CRISP2: variants seen among roughly 807,000 people sequenced by gnomAD.
CRISP2 encodes cysteine-rich secretory protein 2.
In CRISP2, 29 loss-of-function variants were observed where a neutral mutation model predicts 31.7. The observed-to-expected ratio is 0.92, with a 90% CI of 0.68 to 1.25. The LOEUF (loss-of-function observed/expected upper bound fraction) is 1.25, where lower values mean the gene tolerates loss of function less well. Ranked by LOEUF, CRISP2 falls within the 50% of genes most tolerant of loss-of-function variation. The probability of loss-of-function intolerance (pLI) is 0.00; values close to 1 mark genes in which losing one functional copy is unlikely to be tolerated. For synonymous variants in CRISP2, 111 were observed against 101.4 expected, an observed-to-expected ratio of 1.09 and a Z score of -0.57; for missense variants, 318 against 286.5, an observed-to-expected ratio of 1.11 and a Z score of -0.79.
At chr6:49,678,747 A>G in the CRISP2 span, among the ~76,000 whole-genome samples, 1,222 of 152,260 alleles carry the variant, frequency 8.0e-3, 11 homozygotes, top group African/African-American at 0.027. Context: ...GAGCAGCATC[A>G]AGTTGATACT....
At chr6:49,713,052 G>T (rs968961180) in intron 1 of CRISP2, among the ~76,000 whole-genome samples, 1 of 151,906 alleles carries the variant, frequency 6.6e-6, no homozygotes, top group Non-Finnish European at 1.5e-5. Context: ...ATGATATAAA[G>T]TCCAGCAGAG....
Position 49,697,842 on chromosome 6 carries a change from T to A in CRISP2, c.515+18A>T. The A allele has an allele frequency of 6.2e-7, 1 of 1,608,922 alleles. No individual in the cohort carries two copies. Among genetic ancestry groups the A allele is most frequent in the Non-Finnish European group, 8.5e-7 (1 of 1,175,758 alleles). On this transcript the variant is annotated intron_variant, in intron 8 of 9. Coordinates refer to ENST00000339139, the MANE Select transcript of CRISP2 (RefSeq NM_003296.4). ...GCAGATAGAATTATTGCCATTAAAC[T>A]CTAAACAGTCTACTTACGCAGGACA...
intron 4 of CRISP2, among the ~76,000 whole-genome samples, chr6:49,706,698 A>AT (rs1306400808): frequency 2.0e-5 from 3 of 152,054 alleles, no homozygotes; most frequent in Admixed American, 1.3e-4. Flanking sequence ...CTCCTCATGG[A>AT]TTTTTTCTGA....
the CRISP2 span, among the ~76,000 whole-genome samples, chr6:49,678,184 C>T: frequency 3.3e-5 from 5 of 152,244 alleles, no homozygotes; most frequent in African/African-American, 1.2e-4. Flanking sequence ...TTCAACACAA[C>T]AAGTATACCC....
chr6:49,699,325 G>C (rs906311231), intron 6 of CRISP2, among the ~76,000 whole-genome samples: 1 of 151,712 alleles, frequency 6.6e-6, no homozygotes, highest in Non-Finnish European at 1.5e-5. Context: ...ATCCACTTTA[G>C]AGCAAAACTT....
chr6:49,710,140 T>A (rs1437191268), intron 3 of CRISP2, among the ~76,000 whole-genome samples: 1 of 152,224 alleles, frequency 6.6e-6, no homozygotes, highest in African/African-American at 2.4e-5. Context: ...AATTTATCTG[T>A]GATGCTTCTC....
intron 4 of CRISP2, among the ~76,000 whole-genome samples, chr6:49,701,293 A>G (rs1490827059): frequency 2.0e-5 from 3 of 151,568 alleles, no homozygotes; most frequent in African/African-American, 7.3e-5. Flanking sequence ...ATTTTCTCCC[A>G]AGTCCCCAAA....
chr6:49,701,527 C>CATATATATAT lies in CRISP2; in HGVS notation c.67-744_67-743insATATATATAT, dbSNP rs1379089534. Among the ~76,000 whole-genome samples, 5 of 68,038 alleles carry CATATATATAT rather than the reference C, an allele frequency of 7.3e-5. 1 individual carries two copies. The highest frequency in any genetic ancestry group is 1.1e-4 in the Non-Finnish European group (4 of 35,716). The allele number at this position is 68,038 out of a possible 152,430, so 44.6% of individuals were successfully genotyped here. ...ATATATATATATATATATATATATA[C>CATATATATAT]ACACACACACACACACAGTATATAT... is the stretch of plus-strand genomic sequence containing the variant. On this transcript the variant is annotated intron_variant, in intron 4 of 9. Coordinates refer to ENST00000339139, the MANE Select transcript of CRISP2 (RefSeq NM_003296.4).
At chr6:49,711,437 A>T (rs1409638643) in intron 2 of CRISP2, 116 bp from the exon 3 acceptor site, 3 of 152,132 alleles carry the variant, frequency 2.0e-5, no homozygotes, top group African/African-American at 7.2e-5. Flanking sequence ...CTGAAGTAGT[A>T]TTTTTCATAC....
At chr6:49,682,170 T>C in the CRISP2 span, among the ~76,000 whole-genome samples, 1 of 152,202 alleles carries the variant, frequency 6.6e-6, no homozygotes, top group Non-Finnish European at 1.5e-5. Flanking sequence ...GGTGGACCTT[T>C]GCTCTTATTT....
chr6:49,679,728 C>A, the CRISP2 span, among the ~76,000 whole-genome samples: 2 of 151,288 alleles, frequency 1.3e-5, no homozygotes, highest in African/African-American at 4.9e-5. Flanking sequence ...ATTTTTGAGA[C>A]GGAGTATTAC....
rs534350476 is a variant in CRISP2, at chr6:49,702,557, A to C, written c.67-1773T>G. The stretch of plus-strand genomic sequence containing the variant: ...TTCGATTTGCATTTCCCTGATAATT[A>C]ATAATGTTGAGCAGCTTTTCGTATG... On this transcript the variant is annotated intron_variant, in intron 4 of 9. Coordinates refer to ENST00000339139, the MANE Select transcript of CRISP2 (RefSeq NM_003296.4). Among the ~76,000 whole-genome samples the C allele has an allele frequency of 3.3e-5, 5 of 152,120 alleles. No homozygotes were observed. In the East Asian group the frequency reaches 9.7e-4, roughly 29 times the overall value.
chr6:49,692,760 C>T lies in CRISP2; in HGVS notation c.*13G>A, dbSNP rs919435094. On this transcript the variant is annotated 3_prime_UTR_variant, in exon 10 of 10. Transcript: ENST00000339139. ...CTTATCCATGCAGTCTTGCACAATG[C>T]TCACTAGGTAAATCAGTAAATTTTG... is the stretch of plus-strand genomic sequence containing the variant. 2 of 1,609,998 alleles carry T rather than the reference C, an allele frequency of 1.2e-6. No individual in the cohort carries two copies. Among genetic ancestry groups the T allele is most frequent in the Admixed American group, 3.3e-5 (2 of 59,910 alleles).
rs114568533 is a variant in CRISP2, at chr6:49,694,295, C to T, written c.605-1395G>A. 5.9e-3 allele frequency among the ~76,000 whole-genome samples: 894 copies of T among 152,266 alleles called. 12 individuals are homozygous for T. Among genetic ancestry groups the T allele is most frequent in the African/African-American group, 0.02 (850 of 41,556 alleles). On this transcript the variant is annotated intron_variant, in intron 9 of 9. Transcript: ENST00000339139. ...GACAGAACCAGGGCTTGCCCAAGGC[C>T]AGCAGCTGTTATGACTTTCCAGCTA...
chr6:49,682,963 A>G, the CRISP2 span, among the ~76,000 whole-genome samples: 2 of 151,836 alleles, frequency 1.3e-5, no homozygotes, highest in African/African-American at 4.8e-5. Context: ...GTTCAGAACC[A>G]GCCTGGCCAA....
At chr6:49,687,539 G>A (rs976450627), downstream of CRISP2, among the ~76,000 whole-genome samples, 1 of 152,042 alleles carries the variant, frequency 6.6e-6, no homozygotes, top group Non-Finnish European at 1.5e-5. Flanking sequence ...CAGTGTTCTC[G>A]CACAAAACTC....
intron 9 of CRISP2, among the ~76,000 whole-genome samples, chr6:49,695,621 A>T (rs1764603762): frequency 1.3e-5 from 2 of 152,208 alleles, no homozygotes; most frequent in African/African-American, 4.8e-5. Context: ...ATATTCCATT[A>T]TGTTACATAC....
intron 6 of CRISP2, among the ~76,000 whole-genome samples, chr6:49,699,306 T>C (rs993370137): frequency 2.0e-5 from 3 of 152,014 alleles, no homozygotes; most frequent in Non-Finnish European, 4.4e-5. Flanking sequence ...ATCCACTTTA[T>C]CCACTTTTAT....
downstream of CRISP2, among the ~76,000 whole-genome samples, chr6:49,688,504 T>C (rs1763953930): frequency 6.6e-6 from 1 of 152,188 alleles, no homozygotes; most frequent in East Asian, 1.9e-4. Flanking sequence ...ACTAGCAACC[T>C]AGCTGGTAAC....
Sources: allele counts gnomAD v4.1 joint callset (sites outside exome capture counted in the v4.1 genomes callset), GRCh38; gene constraint gnomAD v4.1.1; transcripts MANE v1.5; gene names NCBI Gene and HGNC (gene_info 2026-07-23, HGNC 2026-07-21).